The following MBOAT2 variants were observed in gnomAD, a reference collection of about 807,000 sequenced individuals.
The protein encoded by MBOAT2 is membrane-bound glycerophospholipid O-acyltransferase 2.
In MBOAT2, 28 loss-of-function variants were observed where a neutral mutation model predicts 63.4. The ratio of observed to expected loss-of-function variants is 0.44; its 90% CI spans 0.33 to 0.61. The LOEUF (loss-of-function observed/expected upper bound fraction) is 0.61. Ranked by LOEUF, MBOAT2 falls within the 20% of genes least tolerant of loss-of-function variation. The probability of loss-of-function intolerance (pLI) is 0.03; values close to 1 mark genes in which losing one functional copy is unlikely to be tolerated. For synonymous variants in MBOAT2, 211 were observed against 215.6 expected, an observed-to-expected ratio of 0.98 and a Z score of 0.19; for missense variants, 470 against 605.8, an observed-to-expected ratio of 0.78 and a Z score of 2.35.
chr2:8,873,380 C>T, intron 7 of MBOAT2, 80 bp from the exon 8 acceptor site: 1 of 1,376,532 alleles, frequency 7.3e-7, no homozygotes. Context: ...ACAGATTAAT[C>T]TTCCTGAATG....
rs78046774 is a variant in MBOAT2, at chr2:8,854,470, G to T, written c.*4209C>A. The T allele has an allele frequency of 2.0e-5, 3 of 152,266 alleles. No individual in the cohort carries two copies. In the East Asian group the frequency reaches 5.8e-4, roughly 29 times the overall value. 9.4% of individuals were successfully genotyped at this position (152,266 alleles called of 1,614,324 possible). A position where few individuals can be genotyped will look rare whatever the true frequency, so the allele number is the denominator to read the frequency against. The stretch of plus-strand genomic sequence containing the variant: ...ATTTCAGCCAGGAAGAACTATTAAC[G>T]CCTGGATAAAACTCCACAAAATACT... On this transcript the variant is annotated 3_prime_UTR_variant, in exon 13 of 13. Transcript: ENST00000305997.
chr2:8,939,559 G>C (rs1424676125), intron 3 of MBOAT2, among the ~76,000 whole-genome samples: 8 of 152,160 alleles, frequency 5.3e-5, no homozygotes, highest in African/African-American at 1.9e-4. Context: ...GCAAGCTTAT[G>C]CCAGGCTGCA....
At position 8,932,113 on chromosome 2, in the gene MBOAT2, G is replaced by A. The variant is rs532838647; in HGVS notation, c.299+11074C>T. Among the ~76,000 whole-genome samples the A allele has an allele frequency of 4.6e-5, 7 of 152,024 alleles. No individual in the cohort carries two copies. The South Asian group carries it at 1.5e-3, about 32-fold the overall frequency. The stretch of plus-strand genomic sequence containing the variant: ...CTTTTCCATAACTACTCTAAATAAG[G>A]ACTATTTAATAAGCTAGCAACAAGT... On this transcript the variant is annotated intron_variant, in intron 3 of 12. Coordinates refer to ENST00000305997, the MANE Select transcript of MBOAT2 (RefSeq NM_138799.4).
chr2:8,934,160 A>G (rs920051382), intron 3 of MBOAT2, among the ~76,000 whole-genome samples: 5 of 152,216 alleles, frequency 3.3e-5, no homozygotes, highest in African/African-American at 9.6e-5. Context: ...TAAAAACCTT[A>G]CATCCTAAGC....
At chr2:8,998,641 ATCAG>A (rs906329074) in intron 1 of MBOAT2, among the ~76,000 whole-genome samples, 21 of 151,724 alleles carry the variant, frequency 1.4e-4, no homozygotes, top group Non-Finnish European at 2.6e-4. Context: ...TATAGAAAAG[ATCAG>A]TCAATGAACT....
intron 3 of MBOAT2, among the ~76,000 whole-genome samples, chr2:8,924,551 T>C (rs1666805772): frequency 6.6e-6 from 1 of 152,192 alleles, no homozygotes; most frequent in South Asian, 2.1e-4. Context: ...CAAAGCCCTA[T>C]TCATAAACAA....
chr2:8,914,484 T>C (rs1430762312), intron 3 of MBOAT2, among the ~76,000 whole-genome samples: 1 of 149,720 alleles, frequency 6.7e-6, no homozygotes, highest in Non-Finnish European at 1.5e-5. Flanking sequence ...GCTGTGAGAG[T>C]TCAGGAAAAA....
At chr2:8,864,270 A>G (rs1023294937) in intron 9 of MBOAT2, 36 bp from the exon 10 acceptor site, 2 of 1,317,996 alleles carry the variant, frequency 1.5e-6, no homozygotes. Context: ...TTGTGTCACA[A>G]AATAATGAAG....
In MBOAT2 at chr2:8,913,422, T is replaced by C. The variant is rs531996096; in HGVS notation, c.300-4706A>G. 4.0e-5 allele frequency among the ~76,000 whole-genome samples: 6 copies of C among 151,264 alleles called. No homozygotes were observed. The East Asian group carries it at 1.2e-3, about 29-fold the overall frequency. On this transcript the variant is annotated intron_variant, in intron 3 of 12. Transcript: ENST00000305997. ...CAACCCACAGAGAAAATCCTCACAATCTATATACATCTAACAAAGAAATAA... is the reference window on the plus strand; with the variant it reads ...CAACCCACAGAGAAAATCCTCACAACCTATATACATCTAACAAAGAAATAA...
chr2:8,896,022 G>A (rs552427359), intron 4 of MBOAT2, among the ~76,000 whole-genome samples: 1 of 152,110 alleles, frequency 6.6e-6, no homozygotes, highest in Admixed American at 6.5e-5. Flanking sequence ...CGGATCACGA[G>A]GTCAGAAGAT....
chr2:8,985,088 A>C (rs999297454), intron 1 of MBOAT2, among the ~76,000 whole-genome samples: 1 of 152,162 alleles, frequency 6.6e-6, no homozygotes, highest in African/African-American at 2.4e-5. Flanking sequence ...TCAGGGGAAA[A>C]AAAAAACTAA....
chr2:8,857,114 T>C lies in MBOAT2; in HGVS notation c.*1565A>G, dbSNP rs1053536662. The stretch of plus-strand genomic sequence containing the variant: ...GATGGTTGCCTTGTCTTTAACTTCA[T>C]TTGCAAATTTATTAGTGACTCCACC... On this transcript the variant is annotated 3_prime_UTR_variant, in exon 13 of 13. Coordinates refer to ENST00000305997, the MANE Select transcript of MBOAT2 (RefSeq NM_138799.4). 6.6e-6 allele frequency: 1 copy of C among 152,592 alleles called. No homozygotes were observed. The highest frequency in any genetic ancestry group is 1.5e-5 in the Non-Finnish European group (1 of 68,024). 9.5% of individuals were successfully genotyped at this position (152,592 alleles called of 1,614,324 possible). A position where few individuals can be genotyped will look rare whatever the true frequency, so the allele number is the denominator to read the frequency against.
chr2:8,868,902 G>T (rs1490601307), intron 8 of MBOAT2, among the ~76,000 whole-genome samples: 2 of 152,122 alleles, frequency 1.3e-5, no homozygotes, highest in Non-Finnish European at 2.9e-5. Context: ...GTTGCTAAGG[G>T]GATGTTTTTG....
intron 4 of MBOAT2, among the ~76,000 whole-genome samples, chr2:8,905,733 A>T (rs1285826598): frequency 1.3e-5 from 2 of 152,240 alleles, no homozygotes; most frequent in African/African-American, 4.8e-5. Flanking sequence ...GCAGCAAACC[A>T]ACATGGCACA....
chr2:8,858,827 TTTC>T lies in MBOAT2; in HGVS notation c.1412_1414del (p.Arg471del). On this transcript the variant is annotated inframe_deletion, in exon 13 of 13. Coordinates refer to ENST00000305997, the MANE Select transcript of MBOAT2 (RefSeq NM_138799.4). ...GAGCTGAATGTTTTCATGTGTATTCTTTCTTCTTTGAGTTTTTTTCACTGGCAA... is the reference window on the plus strand; with the variant it reads ...GAGCTGAATGTTTTCATGTGTATTCTTTCTTTGAGTTTTTTTCACTGGCAA... 1 of 1,614,048 alleles carries T rather than the reference TTTC, an allele frequency of 6.2e-7. No individual in the cohort carries two copies. The highest frequency in any genetic ancestry group is 1.1e-5 in the South Asian group (1 of 91,084).
intron 1 of MBOAT2, among the ~76,000 whole-genome samples, chr2:8,971,192 G>T (rs1670423581): frequency 6.6e-6 from 1 of 152,182 alleles, no homozygotes; most frequent in Non-Finnish European, 1.5e-5. Flanking sequence ...TTCAACCCTG[G>T]GATGCAAGGC....
chr2:8,942,883 C>T (rs1668152475), intron 3 of MBOAT2, among the ~76,000 whole-genome samples: 1 of 152,122 alleles, frequency 6.6e-6, no homozygotes, highest in African/African-American at 2.4e-5. Context: ...CATTTATGGT[C>T]GTCACAGCTC....
chr2:8,925,286 G>A (rs1265727705), intron 3 of MBOAT2, among the ~76,000 whole-genome samples: 1 of 152,076 alleles, frequency 6.6e-6, no homozygotes, highest in Non-Finnish European at 1.5e-5. Flanking sequence ...CTGCACACAA[G>A]ATCACTCATC....
rs139661531 is a variant in MBOAT2, at chr2:8,957,597, G to T, written c.221+900C>A. The stretch of plus-strand genomic sequence containing the variant: ...AGAACAAACACAGAAGCTCATCAAA[G>T]TCCCAGAGATTCTACACCCCACAGA... On this transcript the variant is annotated intron_variant, in intron 2 of 12. Transcript: ENST00000305997. Among the ~76,000 whole-genome samples, 10 of 152,242 alleles carry T rather than the reference G, an allele frequency of 6.6e-5. No individual in the cohort carries two copies. The East Asian group carries it at 1.9e-3, about 29-fold the overall frequency.
Sources: allele counts gnomAD v4.1 joint callset (sites outside exome capture counted in the v4.1 genomes callset), GRCh38; gene constraint gnomAD v4.1.1; transcripts MANE v1.5; gene names NCBI Gene and HGNC (gene_info 2026-07-23, HGNC 2026-07-21).